The following NPSR1 variants were observed in gnomAD, a reference collection of about 807,000 sequenced individuals.
The protein encoded by NPSR1 is neuropeptide S receptor 1, also known as neuropeptide S receptor.
Under a neutral mutation model 46.9 loss-of-function variants are expected in NPSR1, and 48 were observed. The ratio of observed to expected loss-of-function variants is 1.02; its 90% CI spans 0.81 to 1.30. The LOEUF is 1.30. NPSR1 is among the 50% of genes most tolerant of loss of function. The probability of loss-of-function intolerance (pLI) is 0.00; values close to 1 mark genes in which losing one functional copy is unlikely to be tolerated. For missense variants in NPSR1, 450 were observed against 449.5 expected, an observed-to-expected ratio of 1.00 and a Z score of -0.01; for synonymous variants, 176 against 168.1, an observed-to-expected ratio of 1.05 and a Z score of -0.36.
chr7:34,779,506 A>G, intron 3 of NPSR1: 1 of 885,124 alleles, frequency 1.1e-6, no homozygotes. Context: ...TTCATAAGTA[A>G]AATTTTAATT....
chr7:34,850,304 G>C (rs1037071179), downstream of NPSR1, among the ~76,000 whole-genome samples: 1 of 152,016 alleles, frequency 6.6e-6, no homozygotes, highest in Non-Finnish European at 1.5e-5. Flanking sequence ...AAGGGATACT[G>C]GTTCTGATAG....
At chr7:34,790,990 A>AT (rs1787787969) in intron 3 of NPSR1, among the ~76,000 whole-genome samples, 1 of 119,186 alleles carries the variant, frequency 8.4e-6, no homozygotes, top group Non-Finnish European at 1.6e-5. Context: ...GTTATATTAT[A>AT]TATGTTATAT....
At chr7:34,711,494 T>G (rs971735745) in intron 2 of NPSR1, 2 of 152,218 alleles carry the variant, frequency 1.3e-5, no homozygotes, top group Non-Finnish European at 2.9e-5. Context: ...GTGTCTGCCA[T>G]GATTATTTTT....
At chr7:34,807,974 A>AAAAATGTAAT (rs1788792882) in intron 3 of NPSR1, among the ~76,000 whole-genome samples, 1 of 151,810 alleles carries the variant, frequency 6.6e-6, no homozygotes, top group African/African-American at 2.4e-5. Context: ...AGGGAACTTC[A>AAAAATGTAAT]CAAATGTAAT....
At chr7:34,843,286 G>A (rs1199537283) in intron 6 of NPSR1, among the ~76,000 whole-genome samples, 3 of 152,190 alleles carry the variant, frequency 2.0e-5, no homozygotes, top group African/African-American at 7.2e-5. Context: ...ACTTGCAACT[G>A]GCAAAGGTCA....
chr7:34,689,864 G>T (rs1793156861), intron 2 of NPSR1, among the ~76,000 whole-genome samples: 1 of 151,448 alleles, frequency 6.6e-6, no homozygotes, highest in African/African-American at 2.4e-5. Context: ...AGAATTATTG[G>T]TGCCCAGAAG....
intron 1 of NPSR1, among the ~76,000 whole-genome samples, chr7:34,684,169 T>C (rs190869248): frequency 4.9e-4 from 75 of 152,352 alleles, no homozygotes; most frequent in African/African-American, 1.8e-3. Context: ...GTTCACTGAA[T>C]TGAAGTGCTT....
chr7:34,828,032 G>A (rs35291278), intron 5 of NPSR1, among the ~76,000 whole-genome samples: 4 of 152,194 alleles, frequency 2.6e-5, no homozygotes, highest in Non-Finnish European at 5.9e-5. Context: ...CAAATATAAG[G>A]CAAATTACCA....
downstream of NPSR1, among the ~76,000 whole-genome samples, chr7:34,852,302 G>GGAAAGAGAGAAAGAGA (rs370566581): frequency 4.6e-5 from 7 of 151,302 alleles, no homozygotes; most frequent in African/African-American, 1.7e-4. Context: ...TCCGTCTCAA[G>GGAAAGAGAGAAAGAGA]GAAAGAGAGA....
intron 7 of NPSR1, among the ~76,000 whole-genome samples, chr7:34,846,521 T>C (rs1414350348): frequency 6.6e-6 from 1 of 152,202 alleles, no homozygotes; most frequent in African/African-American, 2.4e-5. Flanking sequence ...CTATTTTTAT[T>C]AATTAAAATG....
intron 6 of NPSR1, among the ~76,000 whole-genome samples, chr7:34,836,599 TGAGA>T (rs1790379134): frequency 7.7e-6 from 1 of 130,534 alleles, no homozygotes; most frequent in Non-Finnish European, 1.6e-5. Flanking sequence ...AAAGAAAGAG[TGAGA>T]GAGAAAGAGT....
intron 2 of NPSR1, among the ~76,000 whole-genome samples, chr7:34,766,033 A>C (rs964144221): frequency 1.3e-5 from 2 of 152,216 alleles, no homozygotes; most frequent in African/African-American, 4.8e-5. Flanking sequence ...CCCTGAATCT[A>C]AATTAAAGTT....
At chr7:34,792,977 G>A (rs1168994526) in intron 3 of NPSR1, among the ~76,000 whole-genome samples, 1 of 151,180 alleles carries the variant, frequency 6.6e-6, no homozygotes, top group Non-Finnish European at 1.5e-5. Flanking sequence ...TTGAGACCAG[G>A]AGTTTGAGAC....
chr7:34,825,491 C>T (rs773065768), intron 4 of NPSR1, among the ~76,000 whole-genome samples: 6 of 152,210 alleles, frequency 3.9e-5, no homozygotes, highest in Admixed American at 2.6e-4. Flanking sequence ...AGCTGGCTGG[C>T]GCTGTGGTCC....
intron 2 of NPSR1, among the ~76,000 whole-genome samples, chr7:34,717,254 T>A (rs1783624429): frequency 6.6e-6 from 1 of 152,186 alleles, no homozygotes; most frequent in Non-Finnish European, 1.5e-5. Flanking sequence ...TGCCTCAGCC[T>A]CCCGAGTAGC....
At chr7:34,772,559 T>C (rs528825030) in intron 2 of NPSR1, among the ~76,000 whole-genome samples, 1 of 152,290 alleles carries the variant, frequency 6.6e-6, no homozygotes, top group South Asian at 2.1e-4. Flanking sequence ...GTACAGCCCA[T>C]GGGTAGTACA....
chr7:34,735,946 T>C (rs1784647025), intron 2 of NPSR1, among the ~76,000 whole-genome samples: 2 of 152,130 alleles, frequency 1.3e-5, no homozygotes, highest in African/African-American at 2.4e-5. Context: ...AATAGAAAAT[T>C]ATATATGCAC....
At position 34,844,955 on chromosome 7, in the gene NPSR1, A is replaced by G. The variant is rs1205068707; in HGVS notation, c.817A>G (p.Ile273Val). 1 of 1,612,746 alleles carries G rather than the reference A, an allele frequency of 6.2e-7. No individual in the cohort carries two copies. The highest frequency in any genetic ancestry group is 1.1e-5 in the South Asian group (1 of 91,052). The change falls in exon 7 of 9, where the codon ATC (isoleucine) becomes GTC (valine). Residue 273 changes from isoleucine (I) to valine (V), a missense_variant. Coordinates refer to ENST00000360581, the MANE Select transcript of NPSR1 (RefSeq NM_207172.2). Reference protein sequence around the residue: ...GLISKAKIKAIKYSIIIILAF... With the variant: ...GLISKAKIKAVKYSIIIILAF... ...CATCTCAAAGGCAAAAATCAAGGCT[A>G]TCAAGTATAGCATCATCATCATTCT...
chr7:34,866,286 A>G (rs1791313176), intron 8 of NPSR1, among the ~76,000 whole-genome samples: 1 of 151,776 alleles, frequency 6.6e-6, no homozygotes, highest in Admixed American at 6.5e-5. Context: ...TTCAAATGAG[A>G]TAAGTCACAA....
Sources: gnomAD v4.1 joint callset for allele counts (sites outside exome capture counted in the v4.1 genomes callset) on GRCh38, gnomAD v4.1.1 for gene constraint, MANE v1.5 for transcripts, NCBI Gene and HGNC (gene_info 2026-07-23, HGNC 2026-07-21) for gene names.